The following SNTG1 variants were observed in gnomAD, a reference collection of about 807,000 sequenced individuals.
The protein encoded by SNTG1 is syntrophin gamma 1.
A neutral mutation model predicts 74.7 loss-of-function variants in SNTG1; 39 were observed. The observed-to-expected ratio is 0.52, with a 90% CI of 0.40 to 0.68. SNTG1 has a LOEUF of 0.68. SNTG1 is among the 30% of genes least tolerant of loss of function. SNTG1 has a pLI of 0.00. For synonymous variants in SNTG1, 254 were observed against 217.1 expected, an observed-to-expected ratio of 1.17 and a Z score of -1.49; for missense variants, 685 against 609.5, an observed-to-expected ratio of 1.12 and a Z score of -1.30.
chr8:50,243,019 T>G (rs1326086678), intron 2 of SNTG1, among the ~76,000 whole-genome samples: 3 of 152,080 alleles, frequency 2.0e-5, no homozygotes, highest in Non-Finnish European at 1.5e-5. Context: ...TTTGAAATAG[T>G]TTTTTGAATA....
chr8:50,056,130 A>G (rs549276626), intron 1 of SNTG1, among the ~76,000 whole-genome samples: 2 of 152,254 alleles, frequency 1.3e-5, no homozygotes, highest in African/African-American at 4.8e-5. Context: ...ATGAATTTCT[A>G]TCAGCCTCAT....
In SNTG1 at chr8:50,430,532, T is replaced by A. The variant is rs116504669; in HGVS notation, c.163-8011T>A. Among the ~76,000 whole-genome samples, 1,472 of 152,284 alleles carry A rather than the reference T, an allele frequency of 9.7e-3. 25 individuals are homozygous for A. The highest frequency in any genetic ancestry group is 0.034 in the African/African-American group (1,406 of 41,536). On this transcript the variant is annotated intron_variant, in intron 4 of 18. Transcript: ENST00000642720. ...ATTAGGATTGTTAACCTGTATGTACTGTGAAAGGGCCATTTATGCAAAGTA... is the reference window on the plus strand; with the variant it reads ...ATTAGGATTGTTAACCTGTATGTACAGTGAAAGGGCCATTTATGCAAAGTA...
chr8:50,025,478 C>A (rs528758802), intron 1 of SNTG1, among the ~76,000 whole-genome samples: 83 of 152,030 alleles, frequency 5.5e-4, no homozygotes, highest in African/African-American at 1.9e-3. Context: ...AGCCACCAGG[C>A]AAAAAGTATA....
intron 1 of SNTG1, among the ~76,000 whole-genome samples, chr8:50,035,256 A>G (rs1434974842): frequency 6.6e-6 from 1 of 152,144 alleles, no homozygotes; most frequent in Non-Finnish European, 1.5e-5. Flanking sequence ...AAAAGAATCC[A>G]AGTGCCCCCA....
At chr8:50,201,346 A>G (rs1194440723) in intron 2 of SNTG1, among the ~76,000 whole-genome samples, 1 of 152,172 alleles carries the variant, frequency 6.6e-6, no homozygotes, top group South Asian at 2.1e-4. Flanking sequence ...AAACTGTTTT[A>G]GATTTAAAGA....
chr8:50,531,607 C>A (rs2094268665), intron 10 of SNTG1, among the ~76,000 whole-genome samples: 1 of 152,126 alleles, frequency 6.6e-6, no homozygotes, highest in Non-Finnish European at 1.5e-5. Flanking sequence ...GTTGGCTGTG[C>A]CCATTCACAG....
chr8:50,658,775 C>G (rs139224420), intron 15 of SNTG1, 112 bp downstream of exon 15: 1 of 651,782 alleles, frequency 1.5e-6, no homozygotes, highest in Non-Finnish European at 2.6e-6. Context: ...AGAAGAGACA[C>G]GATAAAGACA....
chr8:50,149,502 T>C (rs2081989274), intron 1 of SNTG1, among the ~76,000 whole-genome samples: 2 of 152,352 alleles, frequency 1.3e-5, no homozygotes, highest in East Asian at 1.9e-4. Flanking sequence ...CTAGGTTTTC[T>C]TCTAGGGTTT....
At chr8:50,272,642 G>A (rs1037872228) in intron 2 of SNTG1, among the ~76,000 whole-genome samples, 1 of 152,176 alleles carries the variant, frequency 6.6e-6, no homozygotes, top group Admixed American at 6.5e-5. Context: ...TGGACTTTAA[G>A]CACTAGTATC....
Position 50,349,933 on chromosome 8 carries a change from C to T in SNTG1, c.-27-44279C>T, listed in dbSNP as rs999370601. 3.9e-5 allele frequency among the ~76,000 whole-genome samples: 6 copies of T among 152,136 alleles called. No individual in the cohort carries two copies. The South Asian group carries it at 6.2e-4, about 16-fold the overall frequency. On this transcript the variant is annotated intron_variant, in intron 2 of 18. Coordinates refer to ENST00000642720, the MANE Select transcript of SNTG1 (RefSeq NM_018967.5). ...GAGGTGTGGAGTGAGAGGCGCGAGCCGGAACCAGGGCTGCACCGCGTGCTT... is the reference window on the plus strand; with the variant it reads ...GAGGTGTGGAGTGAGAGGCGCGAGCTGGAACCAGGGCTGCACCGCGTGCTT...
chr8:50,203,722 G>A (rs976518805), intron 2 of SNTG1, among the ~76,000 whole-genome samples: 1 of 151,342 alleles, frequency 6.6e-6, no homozygotes, highest in African/African-American at 2.4e-5. Context: ...TACTATTATT[G>A]TCATTGCTAT....
At chr8:50,785,068 T>G (rs72645852) in intron 18 of SNTG1, among the ~76,000 whole-genome samples, 6,672 of 151,994 alleles carry the variant, frequency 0.044, 225 homozygotes, top group Middle Eastern at 0.07. Flanking sequence ...AGAGAAAAAT[T>G]TTAACTTCAA....
rs10283042 is a variant in SNTG1 at position 50,341,168 on chromosome 8, A to C, written c.-27-53044A>C. 6.3e-3 allele frequency among the ~76,000 whole-genome samples: 953 copies of C among 152,020 alleles called. 8 individuals are homozygous for C. Among genetic ancestry groups the C allele is most frequent in the African/African-American group, 0.022 (894 of 41,554 alleles). ...GAGAGGTTTAGTACCAAGCCTCCTT[A>C]AAGGGATTTATCTCTTTCCATATAT... is the stretch of plus-strand genomic sequence containing the variant. On this transcript the variant is annotated intron_variant, in intron 2 of 18. Transcript: ENST00000642720.
intron 13 of SNTG1, among the ~76,000 whole-genome samples, chr8:50,605,804 C>A (rs895362737): frequency 6.6e-6 from 1 of 151,978 alleles, no homozygotes; most frequent in African/African-American, 2.4e-5. Flanking sequence ...GGATTATCCA[C>A]GGAGGCTTTT....
chr8:50,190,144 A>T (rs2083515323), intron 2 of SNTG1, among the ~76,000 whole-genome samples: 1 of 152,178 alleles, frequency 6.6e-6, no homozygotes, highest in South Asian at 2.1e-4. Context: ...AAAGATGGAT[A>T]CGGTATAATT....
intron 14 of SNTG1, 50 bp from the exon 15 acceptor site, chr8:50,658,542 G>A: frequency 7.4e-7 from 1 of 1,344,014 alleles, no homozygotes; most frequent in South Asian, 1.2e-5. Context: ...AAATACAGTG[G>A]TAAATAACTT....
chr8:50,381,835 A>ATTATATATATATATT (rs1294554106), intron 2 of SNTG1: 9 of 131,076 alleles, frequency 6.9e-5, no homozygotes, highest in Non-Finnish European at 1.1e-4. Flanking sequence ...ATATATATAT[A>ATTATATATATATATT]TTATATATAT....
intron 2 of SNTG1, among the ~76,000 whole-genome samples, chr8:50,321,360 T>G (rs2090521223): frequency 1.3e-5 from 2 of 152,140 alleles, no homozygotes; most frequent in African/African-American, 4.8e-5. Context: ...TCCTCCTCTT[T>G]TTTTGGTTTT....
chr8:50,582,044 A>G (rs143708885), intron 12 of SNTG1, among the ~76,000 whole-genome samples: 145 of 152,294 alleles, frequency 9.5e-4, no homozygotes, highest in Non-Finnish European at 1.7e-3. Flanking sequence ...ATGTCTTCCC[A>G]GCCCTATTTT....
Sources: allele counts gnomAD v4.1 joint callset (sites outside exome capture counted in the v4.1 genomes callset), GRCh38; gene constraint gnomAD v4.1.1; transcripts MANE v1.5; gene names NCBI Gene and HGNC (gene_info 2026-07-23, HGNC 2026-07-21).